TRPC5: variants seen among roughly 807,000 people sequenced by gnomAD.
TRPC5 encodes transient receptor potential cation channel subfamily C member 5.
In TRPC5, 9 loss-of-function variants were observed where a neutral mutation model predicts 56.5. The observed-to-expected ratio is 0.16, with a 90% CI of 0.10 to 0.28. The LOEUF (loss-of-function observed/expected upper bound fraction) is 0.28. Among genes scored for constraint, TRPC5 ranks in the 10% least tolerant of loss-of-function variants. TRPC5 has a pLI of 1.00. For synonymous variants in TRPC5, 282 were observed against 278.5 expected, an observed-to-expected ratio of 1.01 and a Z score of -0.13; for missense variants, 469 against 748.9, an observed-to-expected ratio of 0.63 and a Z score of 4.36.
At chrX:111,989,760 G>A (rs912797535) in intron 1 of TRPC5, among the ~76,000 whole-genome samples, 16 of 112,247 alleles carry the variant, frequency 1.4e-4, no homozygotes, top group African/African-American at 4.9e-4. Flanking sequence ...ATACTGAACT[G>A]CAGTTAAAAG....
chrX:111,807,954 C>CTGTGTGTGTGTGTGTG (rs1158422740), intron 7 of TRPC5, among the ~76,000 whole-genome samples: 3 of 85,409 alleles, frequency 3.5e-5, no homozygotes, highest in African/African-American at 2.3e-4. Context: ...CTCTCTCTCT[C>CTGTGTGTGTGTGTGTG]TCTGTGTGTG....
intron 1 of TRPC5, among the ~76,000 whole-genome samples, chrX:112,067,805 T>C (rs1293988430): frequency 1.8e-5 from 2 of 112,115 alleles, no homozygotes; most frequent in South Asian, 3.7e-4. Context: ...GTGAAGGGGA[T>C]GGGAGGAACG....
At chrX:111,909,840 G>T (rs1014702086) in intron 3 of TRPC5, among the ~76,000 whole-genome samples, 16 of 111,453 alleles carry the variant, frequency 1.4e-4, no homozygotes, top group African/African-American at 5.2e-4. Flanking sequence ...TAATGAGAAG[G>T]TTAATGAGGA....
rs1489067625 is a variant in TRPC5, at chrX:111,828,653, T to C, written c.1896+6268A>G. Among the ~76,000 whole-genome samples the C allele has an allele frequency of 4.6e-5, 5 of 109,516 alleles. No individual in the cohort carries two copies. The Admixed American group carries it at 4.9e-4, about 11-fold the overall frequency. On this transcript the variant is annotated intron_variant, in intron 7 of 10. Transcript: ENST00000262839. ...TTTGGAACTGGGCAATGGGCAGAGG[T>C]TGGAACAGTTTGGAGGGCTCAGAAG...
chrX:112,026,036 G>A (rs769358827), intron 1 of TRPC5, among the ~76,000 whole-genome samples: 9 of 112,010 alleles, frequency 8.0e-5, no homozygotes, highest in South Asian at 3.8e-4. Flanking sequence ...TAATCATACC[G>A]TTTCCACAAG....
intron 3 of TRPC5, among the ~76,000 whole-genome samples, chrX:111,874,808 A>G: frequency 8.9e-6 from 1 of 112,701 alleles, no homozygotes; most frequent in Non-Finnish European, 1.9e-5. Context: ...ATAGGAATAC[A>G]GCCACATTCA....
rs1477275541 is a variant in TRPC5, at chrX:111,937,406, T to C, written c.378+14637A>G. 4.5e-3 allele frequency among the ~76,000 whole-genome samples: 468 copies of C among 103,263 alleles called. 10 individuals carry two copies. The highest frequency in any genetic ancestry group is 0.043 in the Admixed American group (415 of 9,627). The allele number at this position is 103,263 out of a possible 115,157, so 89.7% of individuals were successfully genotyped here. ...GCCATTGCTTTTGGTGTTTTAGACATGAAGTCCTTGCCCATGCCTATGTCC... is the reference window on the plus strand; with the variant it reads ...GCCATTGCTTTTGGTGTTTTAGACACGAAGTCCTTGCCCATGCCTATGTCC... On this transcript the variant is annotated intron_variant, in intron 2 of 10. Coordinates refer to ENST00000262839, the MANE Select transcript of TRPC5 (RefSeq NM_012471.3).
At chrX:111,782,225 A>C in intron 7 of TRPC5, 87 bp from the exon 8 acceptor site, 1 of 770,252 alleles carries the variant, frequency 1.3e-6, no homozygotes, top group South Asian at 2.7e-5. Flanking sequence ...AGTTGCTTCT[A>C]TAGAGGGCAA....
intron 7 of TRPC5, among the ~76,000 whole-genome samples, chrX:111,826,849 G>A (rs1355188244): frequency 3.6e-5 from 4 of 111,655 alleles, no homozygotes; most frequent in South Asian, 3.8e-4. Flanking sequence ...TGGGCTCTTC[G>A]TCCCCTCAGG....
chrX:112,001,616 C>A (rs1928698287), intron 1 of TRPC5, among the ~76,000 whole-genome samples: 1 of 111,125 alleles, frequency 9.0e-6, no homozygotes, highest in Non-Finnish European at 1.9e-5. Flanking sequence ...TAAAAATTAG[C>A]CAGGCATGTT....
At chrX:111,865,041 A>C (rs1923507137) in intron 3 of TRPC5, among the ~76,000 whole-genome samples, 1 of 109,934 alleles carries the variant, frequency 9.1e-6, no homozygotes. Flanking sequence ...CTCTGTCTGG[A>C]GTGTACTGGC....
At chrX:111,926,472 C>T (rs749218970) in intron 2 of TRPC5, among the ~76,000 whole-genome samples, 1 of 112,014 alleles carries the variant, frequency 8.9e-6, no homozygotes, top group African/African-American at 3.2e-5. Flanking sequence ...ATATGACTAC[C>T]TTACGGGGCA....
chrX:111,974,438 A>G (rs1288684048), intron 1 of TRPC5, among the ~76,000 whole-genome samples: 1 of 111,721 alleles, frequency 9.0e-6, no homozygotes, highest in African/African-American at 3.3e-5. Flanking sequence ...AGCAATGAGA[A>G]CACTAGGAAA....
chrX:111,847,930 G>A (rs895219092), intron 5 of TRPC5, among the ~76,000 whole-genome samples: 5 of 111,351 alleles, frequency 4.5e-5, no homozygotes, highest in Admixed American at 2.9e-4. Context: ...CAGCCTTCTC[G>A]GTATGCAGTG....
intron 7 of TRPC5, among the ~76,000 whole-genome samples, chrX:111,810,607 A>G (rs1279741222): frequency 3.6e-5 from 4 of 112,196 alleles, no homozygotes; most frequent in African/African-American, 1.3e-4. Flanking sequence ...GATATGAAAA[A>G]GATTTCATAA....
At chrX:112,010,751 T>C (rs188788309) in intron 1 of TRPC5, among the ~76,000 whole-genome samples, 11 of 112,382 alleles carry the variant, frequency 9.8e-5, no homozygotes, top group African/African-American at 3.6e-4. Context: ...ATGTGGTCTA[T>C]CCTTGACTGA....
At chrX:111,998,006 G>A (rs1928590100) in intron 1 of TRPC5, among the ~76,000 whole-genome samples, 1 of 111,423 alleles carries the variant, frequency 9.0e-6, no homozygotes, top group Non-Finnish European at 1.9e-5. Flanking sequence ...ACTCATCGAA[G>A]TCATTCTCTG....
intron 7 of TRPC5, among the ~76,000 whole-genome samples, chrX:111,834,270 T>A (rs1441110129): frequency 9.0e-6 from 1 of 110,875 alleles, no homozygotes; most frequent in Non-Finnish European, 1.9e-5. Flanking sequence ...TGCAATGGAG[T>A]GCAGTTACTT....
At chrX:111,861,030 A>G (rs1294849374) in intron 3 of TRPC5, among the ~76,000 whole-genome samples, 13 of 112,377 alleles carry the variant, frequency 1.2e-4, no homozygotes, top group African/African-American at 4.2e-4. Flanking sequence ...AAATGAGATA[A>G]CAATCTGGAA....
Sources: gnomAD v4.1 joint callset for allele counts (sites outside exome capture counted in the v4.1 genomes callset) on GRCh38, gnomAD v4.1.1 for gene constraint, MANE v1.5 for transcripts, NCBI Gene and HGNC (gene_info 2026-07-23, HGNC 2026-07-21) for gene names.